Variants in BLM observed in about 807,000 individuals in gnomAD.
The protein encoded by BLM is recQ-like DNA helicase BLM.
BLM carries 95 observed loss-of-function variants against 135.3 expected under a neutral mutation model. That is an observed-to-expected ratio of 0.70 (90% CI 0.59 to 0.83). The LOEUF is 0.83. Among genes scored for constraint, BLM ranks in the 40% least tolerant of loss-of-function variants. The pLI is 0.00. For missense variants in BLM, 1,518 were observed against 1,663.9 expected (o/e 0.91, Z 1.53); for synonymous variants, 520 against 589.2 (o/e 0.88, Z 1.70).
intron 21 of BLM, among the ~76,000 whole-genome samples, chr15:90,813,495 G>A (rs1313968571): frequency 6.6e-6 from 1 of 152,166 alleles, no homozygotes. Flanking sequence ...CCGGGTTCAA[G>A]CTATTCTCCT....
chr15:90,788,551 T>C (rs1212585459), intron 14 of BLM, among the ~76,000 whole-genome samples: 1 of 150,526 alleles, frequency 6.6e-6, no homozygotes, highest in Non-Finnish European at 1.5e-5. Flanking sequence ...TGGAAGAATA[T>C]TCAAGTGAAA....
chr15:90,760,725 A>G lies in BLM; in HGVS notation c.1352A>G (p.Lys451Arg). 6.2e-7 allele frequency: 1 copy of G among 1,614,170 alleles called. No homozygotes were observed. Among genetic ancestry groups the G allele is most frequent in the Admixed American group, 1.7e-5 (1 of 60,028 alleles). The change falls in exon 7 of 22, where the codon AAG becomes AGG. Residue 451 changes from lysine to arginine, a missense_variant. Around this residue, in one of 5 missense-constraint regions of BLM, gnomAD observed 724 missense variants for 756.9 expected, o/e 0.96. Coordinates refer to ENST00000355112, the MANE Select transcript of BLM (RefSeq NM_000057.4). Reference protein sequence around the residue: ...GDSCPTGNSMKELNFSHLPSN... With the variant: ...GDSCPTGNSMRELNFSHLPSN... ...TCCTGCCCTACAGGGAATTCTATGA[A>G]GGAGTTAAATTTTTCACACCTTCCC...
At chr15:90,775,668 T>C (rs569851591) in intron 12 of BLM, among the ~76,000 whole-genome samples, 1 of 151,908 alleles carries the variant, frequency 6.6e-6, no homozygotes, top group African/African-American at 2.4e-5. Context: ...CTTGCCGCCA[T>C]GCCCGGCTAA....
At chr15:90,770,367 G>A (rs62025116) in intron 12 of BLM, among the ~76,000 whole-genome samples, 14 of 152,050 alleles carry the variant, frequency 9.2e-5, no homozygotes, top group Non-Finnish European at 2.1e-4. Flanking sequence ...TAGTAGAGAC[G>A]GGGTGTCACT....
chr15:90,777,827 C>T (rs1286877256), intron 12 of BLM, among the ~76,000 whole-genome samples: 1 of 152,162 alleles, frequency 6.6e-6, no homozygotes, highest in Non-Finnish European at 1.5e-5. Flanking sequence ...ACCTGGTACC[C>T]ATTAGCAGCT....
At chr15:90,796,016 C>A (rs924833450) in intron 16 of BLM, among the ~76,000 whole-genome samples, 1 of 152,004 alleles carries the variant, frequency 6.6e-6, no homozygotes, top group African/African-American at 2.4e-5. Flanking sequence ...CTGGTGTGTT[C>A]GAGAGATGGC....
chr15:90,729,100 G>A (rs1002631002), intron 1 of BLM, among the ~76,000 whole-genome samples: 28 of 151,888 alleles, frequency 1.8e-4, no homozygotes, highest in African/African-American at 5.6e-4. Flanking sequence ...ACCTGAGGTC[G>A]GGAGTTTGAG....
chr15:90,726,938 A>G (rs1291905120), intron 1 of BLM, among the ~76,000 whole-genome samples: 1 of 152,092 alleles, frequency 6.6e-6, no homozygotes. Flanking sequence ...TTTCCTTTGG[A>G]TAAGTGTTCA....
In BLM at chr15:90,760,700, TCCTGC is replaced by T; in HGVS notation, c.1331_1335del (p.Cys444TyrfsTer43). ...ACTTGATGGCCCTATGGAGGGTGAT[TCCTGC>T]CCTACAGGGAATTCTATGAAGGAGT... is the stretch of plus-strand genomic sequence containing the variant. On this transcript the variant is annotated frameshift_variant, in exon 7 of 22. Coordinates refer to ENST00000355112, the MANE Select transcript of BLM (RefSeq NM_000057.4). LOFTEE classifies it high-confidence loss of function. 2 of 1,614,114 alleles carry T rather than the reference TCCTGC, an allele frequency of 1.2e-6. No homozygotes were observed. Among genetic ancestry groups the T allele is most frequent in the Non-Finnish European group, 1.7e-6 (2 of 1,179,946 alleles).
At chr15:90,736,920 G>C (rs1895233918) in intron 1 of BLM, among the ~76,000 whole-genome samples, 1 of 152,114 alleles carries the variant, frequency 6.6e-6, no homozygotes, top group African/African-American at 2.4e-5. Flanking sequence ...GGATGGAGAG[G>C]GAAGAACACT....
chr15:90,785,100 A>T lies in BLM; in HGVS notation c.2823+19A>T. On this transcript the variant is annotated intron_variant, in intron 14 of 21. Transcript: ENST00000355112. Reference sequence around the variant, plus strand: ...CTGTCAGGTAACATTTTTAAAGATAAACAAATAATAGAAATAATCTTTTAT... The same window carrying T: ...CTGTCAGGTAACATTTTTAAAGATATACAAATAATAGAAATAATCTTTTAT... 6.2e-7 allele frequency: 1 copy of T among 1,608,926 alleles called. No individual in the cohort carries two copies. The highest frequency in any genetic ancestry group is 1.1e-5 in the South Asian group (1 of 90,630).
At position 90,760,779 on chromosome 15, in the gene BLM, TACTG is replaced by T. The variant is rs2151158165; in HGVS notation, c.1410_1413del (p.Thr471ProfsTer3). On this transcript the variant is annotated frameshift_variant, in exon 7 of 22. Transcript: ENST00000355112. LOFTEE classifies it high-confidence loss of function. ...AATTCTGTTTCTCCTGGGGACTGTT[TACTG>T]ACTACCACCCTAGGAAAGACAGGAT... is the stretch of plus-strand genomic sequence containing the variant. 2 of 1,614,096 alleles carry T rather than the reference TACTG, an allele frequency of 1.2e-6. No individual in the cohort carries two copies. The highest frequency in any genetic ancestry group is 1.7e-6 in the Non-Finnish European group (2 of 1,180,014).
In BLM at chr15:90,749,763, T is replaced by C; in HGVS notation, c.495T>C (p.Thr165=). 2 of 1,613,172 alleles carry C rather than the reference T, an allele frequency of 1.2e-6. No homozygotes were observed. The highest frequency in any genetic ancestry group is 1.7e-6 in the Non-Finnish European group (2 of 1,179,420). ...DDMDDFDTSE[T]SKSFVTPPQS... ...TGGATGACTTTGATACTTCTGAGAC[T>C]TCAAAATCATTTGTTACACCACCCC... Residue 165 remains threonine, a synonymous_variant, in exon 3 of 22, where the codon ACT becomes ACC. Transcript: ENST00000355112.
Position 90,811,263 on chromosome 15 carries a change from C to A in BLM, c.3933C>A (p.Ala1311=). 6.2e-7 allele frequency: 1 copy of A among 1,614,094 alleles called. No homozygotes were observed. Among genetic ancestry groups the A allele is most frequent in the Non-Finnish European group, 8.5e-7 (1 of 1,180,032 alleles). ...LSSSRGPGRS[A]AEELDEEIPV... is the part of the protein sequence containing the mutation. The stretch of plus-strand genomic sequence containing the variant: ...GCAGCAGAGGCCCCGGAAGAAGTGC[C>A]GCTGAGGAGCTCGACGAGGAAATAC... Residue 1311 remains alanine, a synonymous_variant, in exon 21 of 22, where the codon GCC becomes GCA. Coordinates refer to ENST00000355112, the MANE Select transcript of BLM (RefSeq NM_000057.4).
intron 20 of BLM, 126 bp from the exon 21 acceptor site, chr15:90,811,079 C>T (rs1048153365): frequency 1.5e-5 from 14 of 951,022 alleles, no homozygotes; most frequent in Non-Finnish European, 2.4e-5. Flanking sequence ...ATTGTTGAAT[C>T]CATATGGCAG....
At position 90,790,834 on chromosome 15, in the gene BLM, A is replaced by G; in HGVS notation, c.3009A>G (p.Arg1003=). 6.2e-7 allele frequency: 1 copy of G among 1,613,796 alleles called. No individual in the cohort carries two copies. The highest frequency in any genetic ancestry group is 1.1e-5 in the South Asian group (1 of 91,076). Residue 1003 remains arginine, a synonymous_variant, in exon 15 of 22, where the codon AGA becomes AGG. Transcript: ENST00000355112. The part of the protein sequence containing the change: ...YTYHDVTRLK[R]LIMMEKDGNH... The stretch of plus-strand genomic sequence containing the variant: ...ATCATGATGTGACCAGACTGAAAAG[A>G]CTTATAATGAGTAAGCTGGGCTCCA...
At position 90,749,291 on chromosome 15, in the gene BLM, T is replaced by A. The variant is rs188400703; in HGVS notation, c.99-76T>A. ...TTAATGTAACCTGTGTGAATTAGTT[T>A]AAAAAATTAGTTTTGTAGAGTTGGG... On this transcript the variant is annotated intron_variant, in intron 2 of 21. Transcript: ENST00000355112. 115 of 1,092,732 alleles carry A rather than the reference T, an allele frequency of 1.1e-4. 1 individual carries two copies. The East Asian group carries it at 1.2e-3, about 11-fold the overall frequency. The allele number at this position is 1,092,732 out of a possible 1,614,324, so 67.7% of individuals were successfully genotyped here.
intron 1 of BLM, among the ~76,000 whole-genome samples, chr15:90,726,952 G>A (rs1894935532): frequency 6.6e-6 from 1 of 152,136 alleles, no homozygotes; most frequent in African/African-American, 2.4e-5. Flanking sequence ...GTGTTCAGTA[G>A]TGGGTTTGCT....
chr15:90,797,149 C>T (rs112829703), intron 16 of BLM, among the ~76,000 whole-genome samples: 1 of 152,240 alleles, frequency 6.6e-6, no homozygotes, highest in African/African-American at 2.4e-5. Flanking sequence ...TGCAGTGGCT[C>T]ACACCTGTAA....
Sources: gnomAD v4.1 joint callset for allele counts (sites outside exome capture counted in the v4.1 genomes callset) on GRCh38, gnomAD v4.1.1 for gene constraint, gnomAD v4.1.1 regional missense constraint, MANE v1.5 for transcripts, NCBI Gene and HGNC (gene_info 2026-07-23, HGNC 2026-07-21) for gene names.